Variants in RCL1 observed in about 807,000 individuals in gnomAD.
The protein encoded by RCL1 is RNA 3'-terminal phosphate cyclase-like protein.
Under a neutral mutation model 42.4 loss-of-function variants are expected in RCL1, and 24 were observed. That is an observed-to-expected ratio of 0.57 (90% CI 0.41 to 0.80). The LOEUF is 0.80. RCL1 is among the 30% of genes least tolerant of loss of function. RCL1 has a pLI of 0.00. For missense variants in RCL1, 578 were observed against 467.9 expected, an observed-to-expected ratio of 1.24 and a Z score of -2.17; for synonymous variants, 228 against 177.3, an observed-to-expected ratio of 1.29 and a Z score of -2.27.
intron 1 of RCL1, among the ~76,000 whole-genome samples, chr9:4,820,038 C>A (rs546197363): frequency 1.3e-5 from 2 of 152,212 alleles, no homozygotes; most frequent in Admixed American, 1.3e-4. Flanking sequence ...CAGCTCCTTG[C>A]CATGCCTCTA....
intron 1 of RCL1, among the ~76,000 whole-genome samples, chr9:4,816,296 G>A (rs559935544): frequency 1.3e-5 from 2 of 152,144 alleles, no homozygotes; most frequent in Admixed American, 1.3e-4. Flanking sequence ...GACACTTTCA[G>A]TGTAGTCTTT....
chr9:4,797,107 C>T (rs1842925399), intron 1 of RCL1, among the ~76,000 whole-genome samples: 2 of 152,160 alleles, frequency 1.3e-5, no homozygotes, highest in South Asian at 4.1e-4. Context: ...TCGCTATTAG[C>T]TCTTGGTCCT....
At chr9:4,818,060 A>C (rs1458024975) in intron 1 of RCL1, among the ~76,000 whole-genome samples, 1 of 151,518 alleles carries the variant, frequency 6.6e-6, no homozygotes, top group Non-Finnish European at 1.5e-5. Flanking sequence ...AGCTGAGATT[A>C]CAGTTGCCTA....
intron 6 of RCL1, among the ~76,000 whole-genome samples, chr9:4,841,973 G>C (rs1171270738): frequency 1.3e-5 from 2 of 152,160 alleles, no homozygotes; most frequent in Non-Finnish European, 2.9e-5. Flanking sequence ...AGTTAGAGAA[G>C]CAATTAAAGC....
chr9:4,856,486 A>G (rs371058176), intron 8 of RCL1, among the ~76,000 whole-genome samples: 67 of 152,298 alleles, frequency 4.4e-4, no homozygotes, highest in African/African-American at 1.6e-3. Flanking sequence ...TTTACTGAGA[A>G]CCTTATACAG....
At chr9:4,839,060 G>C (rs1817229437) in intron 5 of RCL1, among the ~76,000 whole-genome samples, 1 of 152,226 alleles carries the variant, frequency 6.6e-6, no homozygotes, top group African/African-American at 2.4e-5. Context: ...GAGTGATGCA[G>C]CTTGCTGGAG....
intron 2 of RCL1, among the ~76,000 whole-genome samples, chr9:4,824,535 G>T (rs367908608): frequency 3.8e-4 from 58 of 152,108 alleles, no homozygotes; most frequent in African/African-American, 1.3e-3. Flanking sequence ...AAACATTTAG[G>T]TTGTTTCTAG....
intron 1 of RCL1, among the ~76,000 whole-genome samples, chr9:4,811,847 C>T (rs890884656): frequency 2.6e-5 from 4 of 152,130 alleles, no homozygotes; most frequent in African/African-American, 7.2e-5. Context: ...TTTTTGTATC[C>T]TTGCCATCAT....
chr9:4,823,107 C>T (rs764183781), intron 1 of RCL1, among the ~76,000 whole-genome samples: 1 of 152,046 alleles, frequency 6.6e-6, no homozygotes, highest in Non-Finnish European at 1.5e-5. Context: ...GGGTGGTCCT[C>T]AATTTAATCT....
At chr9:4,841,939 T>C (rs1937029231) in intron 6 of RCL1, among the ~76,000 whole-genome samples, 1 of 152,238 alleles carries the variant, frequency 6.6e-6, no homozygotes, top group Non-Finnish European at 1.5e-5. Context: ...TTTTAGGCTT[T>C]GCTTGTGTAT....
At chr9:4,796,376 TC>T (rs1587688325) in intron 1 of RCL1, among the ~76,000 whole-genome samples, 2 of 152,224 alleles carry the variant, frequency 1.3e-5, no homozygotes, top group East Asian at 3.8e-4. Context: ...GATAATGGCC[TC>T]TAGCTCCATG....
At chr9:4,854,799 G>A (rs1013994612) in intron 8 of RCL1, among the ~76,000 whole-genome samples, 1 of 152,152 alleles carries the variant, frequency 6.6e-6, no homozygotes, top group African/African-American at 2.4e-5. Flanking sequence ...GCTCACACCT[G>A]TAATCCCAGC....
Position 4,849,492 on chromosome 9 carries a change from A to G in RCL1, c.913A>G (p.Met305Val), listed in dbSNP as rs752911754. ...CAACCAAAGCCTGGCGCTACTACTC[A>G]TGACCCTTGGACAGCAGGATGTTTC... Reference protein sequence around the residue: ...STNQSLALLLMTLGQQDVSKV... With the variant: ...STNQSLALLLVTLGQQDVSKV... The change falls in exon 8 of 9, where the codon ATG becomes GTG. Residue 305 changes from methionine to valine, a missense_variant. Met to Val is a conservative substitution (Grantham distance 21). Transcript: ENST00000381750. The G allele has an allele frequency of 1.5e-5, 25 of 1,613,574 alleles. No homozygotes were observed. The highest frequency in any genetic ancestry group is 2.7e-5 in the African/African-American group (2 of 74,710).
intron 1 of RCL1, among the ~76,000 whole-genome samples, chr9:4,813,927 C>G (rs1203090688): frequency 1.3e-5 from 2 of 152,184 alleles, no homozygotes; most frequent in African/African-American, 4.8e-5. Flanking sequence ...TCTGAGCAAA[C>G]TGTCGCAAGG....
At chr9:4,799,084 T>C (rs76046801) in intron 1 of RCL1, among the ~76,000 whole-genome samples, 10,774 of 113,072 alleles carry the variant, frequency 0.095, 1,095 homozygotes, top group African/African-American at 0.27. Flanking sequence ...CCTTCTCTCC[T>C]TCCCTCCCCT....
At position 4,855,066 on chromosome 9, in the gene RCL1, A is replaced by AC. The variant is rs1353503814; in HGVS notation, c.972-5059_972-5058insC. 5.1e-4 allele frequency among the ~76,000 whole-genome samples: 67 copies of AC among 130,602 alleles called. 3 individuals are homozygous for AC. The highest frequency in any genetic ancestry group is 2.5e-3 in the African/African-American group (65 of 25,630). The allele number at this position is 130,602 out of a possible 152,430, so 85.7% of individuals were successfully genotyped here. A position where few individuals can be genotyped will look rare whatever the true frequency, so the allele number is the denominator to read the frequency against. On this transcript the variant is annotated intron_variant, in intron 8 of 8. Transcript: ENST00000381750. ...AGACTCCGTCTCAAAAAAAAAAAAA[A>AC]AAAAAAATAGGAAAAGTTATCTCTG...
At chr9:4,824,674 C>G (rs1387821689) in intron 2 of RCL1, among the ~76,000 whole-genome samples, 1 of 152,146 alleles carries the variant, frequency 6.6e-6, no homozygotes, top group Admixed American at 6.5e-5. Flanking sequence ...GACCTTTTCC[C>G]TATCTTGGCT....
At chr9:4,814,951 C>T (rs546263592) in intron 1 of RCL1, among the ~76,000 whole-genome samples, 17 of 151,882 alleles carry the variant, frequency 1.1e-4, no homozygotes, top group African/African-American at 3.9e-4. Context: ...CTCTCATGGT[C>T]TATAAGGTTT....
chr9:4,803,169 A>G (rs1204775795), intron 1 of RCL1, among the ~76,000 whole-genome samples: 1 of 152,190 alleles, frequency 6.6e-6, no homozygotes, highest in East Asian at 1.9e-4. Flanking sequence ...GACATAAACA[A>G]GGCTTATTTA....
Sources: allele counts gnomAD v4.1 joint callset (sites outside exome capture counted in the v4.1 genomes callset), GRCh38; gene constraint gnomAD v4.1.1; transcripts MANE v1.5; gene names NCBI Gene and HGNC (gene_info 2026-07-23, HGNC 2026-07-21).